The following CALD1 variants were observed in gnomAD, a reference collection of about 807,000 sequenced individuals.
CALD1 encodes caldesmon.
CALD1 carries 33 observed loss-of-function variants against 99.9 expected under a neutral mutation model. That is an observed-to-expected ratio of 0.33 (90% CI 0.25 to 0.44). The LOEUF is 0.44. CALD1 is among the 20% of genes least tolerant of loss of function. CALD1 has a pLI of 1.00. For missense variants in CALD1, 861 were observed against 962.1 expected, an observed-to-expected ratio of 0.89 and a Z score of 1.39; for synonymous variants, 310 against 325.0, an observed-to-expected ratio of 0.95 and a Z score of 0.50.
intron 3 of CALD1, among the ~76,000 whole-genome samples, chr7:134,912,394 T>C (rs1257772634): frequency 6.6e-6 from 1 of 152,184 alleles, no homozygotes; most frequent in Non-Finnish European, 1.5e-5. Flanking sequence ...TGAGAAGGAT[T>C]TCTGCAGAAG....
the CALD1 span, among the ~76,000 whole-genome samples, chr7:134,716,443 T>C: frequency 6.6e-6 from 1 of 152,234 alleles, no homozygotes; most frequent in Non-Finnish European, 1.5e-5. Flanking sequence ...TGCTTTTGTA[T>C]TGTAAGTCCA....
chr7:134,753,409 G>T (rs1315405977), intron 1 of CALD1, among the ~76,000 whole-genome samples: 2 of 152,288 alleles, frequency 1.3e-5, no homozygotes, highest in East Asian at 1.9e-4. Flanking sequence ...CCTCTGCCAG[G>T]TGCCACCAAT....
intron 2 of CALD1, among the ~76,000 whole-genome samples, chr7:134,855,927 T>A (rs1178424048): frequency 6.6e-6 from 1 of 152,232 alleles, no homozygotes; most frequent in African/African-American, 2.4e-5. Context: ...TGATTACAAG[T>A]ATTTTTCCAT....
At chr7:134,957,971 G>A (rs1807903757) in intron 9 of CALD1, 98 bp from the exon 10 acceptor site, 1 of 867,614 alleles carries the variant, frequency 1.2e-6, no homozygotes, top group African/African-American at 1.6e-5. Flanking sequence ...GCTCTTCGGT[G>A]TGTTTAACAG....
intron 1 of CALD1, among the ~76,000 whole-genome samples, chr7:134,825,247 T>G (rs1798943382): frequency 6.6e-6 from 1 of 152,062 alleles, no homozygotes; most frequent in Non-Finnish European, 1.5e-5. Flanking sequence ...GATGGCCAAG[T>G]TTATTAGAAA....
chr7:134,820,195 G>T (rs1445406371), intron 1 of CALD1, among the ~76,000 whole-genome samples: 1 of 152,128 alleles, frequency 6.6e-6, no homozygotes, highest in Non-Finnish European at 1.5e-5. Context: ...TAATGATGAG[G>T]GTGGTCTGTC....
intron 1 of CALD1, among the ~76,000 whole-genome samples, chr7:134,819,520 T>C (rs1445688041): frequency 6.6e-6 from 1 of 152,250 alleles, no homozygotes; most frequent in Non-Finnish European, 1.5e-5. Context: ...GCTTAATATG[T>C]ATGCGTTGTT....
chr7:134,946,697 TACAG>T (rs905733983), intron 7 of CALD1, among the ~76,000 whole-genome samples: 4 of 151,986 alleles, frequency 2.6e-5, no homozygotes, highest in Admixed American at 1.3e-4. Context: ...CTTTTTTTCT[TACAG>T]ACAGAGTCTC....
chr7:134,943,153 A>G (rs1223780027), intron 7 of CALD1, among the ~76,000 whole-genome samples: 1 of 152,162 alleles, frequency 6.6e-6, no homozygotes, highest in East Asian at 1.9e-4. Context: ...TAAAATGAGG[A>G]GAGAGGAAGA....
chr7:134,843,571 T>G (rs1479686061), intron 1 of CALD1, among the ~76,000 whole-genome samples: 9 of 152,226 alleles, frequency 5.9e-5, no homozygotes, highest in Admixed American at 5.9e-4. Context: ...TTCTCAAATT[T>G]TGAAATAAAA....
chr7:134,903,493 C>G (rs112521112), intron 3 of CALD1, among the ~76,000 whole-genome samples: 108 of 152,200 alleles, frequency 7.1e-4, no homozygotes, highest in African/African-American at 2.5e-3. Flanking sequence ...AAATCACAAG[C>G]AGGGTTGGTT....
At chr7:134,936,168 A>C (rs1434332428) in intron 6 of CALD1, among the ~76,000 whole-genome samples, 1 of 152,192 alleles carries the variant, frequency 6.6e-6, no homozygotes, top group Non-Finnish European at 1.5e-5. Flanking sequence ...AAATATTTCC[A>C]ACTGGCCTTG....
chr7:134,879,643 T>C (rs1054519689), intron 3 of CALD1, among the ~76,000 whole-genome samples: 1 of 152,252 alleles, frequency 6.6e-6, no homozygotes, highest in African/African-American at 2.4e-5. Context: ...TTATAAATCA[T>C]TTGTATGTAT....
At chr7:134,802,507 A>C (rs1190665070) in intron 1 of CALD1, among the ~76,000 whole-genome samples, 2 of 152,212 alleles carry the variant, frequency 1.3e-5, no homozygotes, top group Non-Finnish European at 2.9e-5. Flanking sequence ...TTGGGATATT[A>C]TGAATAAAGA....
Position 134,947,767 on chromosome 7 carries a change from G to A in CALD1, c.1792G>A (p.Glu598Lys). ...QEEADRKLRE[E>K]EEKRRLKEEI... ...GGAAGCCGATCGAAAACTCAGAGAG[G>A]AGGTAAGGCGGGCGCTAGCCCACTG... The change falls in exon 8 of 15, where the codon GAG becomes AAG. Residue 598 changes from glutamate (E) to lysine (K), a missense_variant and splice_region_variant. Glu to Lys is a moderately conservative substitution (Grantham distance 56, BLOSUM62 1). Transcript: ENST00000361675. The A allele has an allele frequency of 1.2e-6, 2 of 1,613,332 alleles. No individual in the cohort carries two copies. Among genetic ancestry groups the A allele is most frequent in the Non-Finnish European group, 1.7e-6 (2 of 1,179,602 alleles).
chr7:134,800,264 T>C (rs1797892874), intron 1 of CALD1, among the ~76,000 whole-genome samples: 1 of 152,170 alleles, frequency 6.6e-6, no homozygotes. Flanking sequence ...TTTTTGGGCT[T>C]CTAATTTGCT....
chr7:134,767,195 CTGTGTGTGTGTGTGTG>C (rs34026828), intron 1 of CALD1, among the ~76,000 whole-genome samples: 119 of 149,000 alleles, frequency 8.0e-4, no homozygotes, highest in African/African-American at 2.8e-3. Context: ...CTCTCTGTCT[CTGTGTGTGTGTGTGTG>C]TGTGTGTGTG....
chr7:134,772,353 C>T (rs1354155357), intron 1 of CALD1, among the ~76,000 whole-genome samples: 1 of 152,128 alleles, frequency 6.6e-6, no homozygotes, highest in East Asian at 1.9e-4. Context: ...CCTCAGCCTC[C>T]CAAAATACTG....
chr7:134,823,396 C>T (rs1798859312), intron 1 of CALD1, among the ~76,000 whole-genome samples: 1 of 152,162 alleles, frequency 6.6e-6, no homozygotes, highest in Non-Finnish European at 1.5e-5. Flanking sequence ...GAATTGCCCC[C>T]TTTTTATCCA....
Sources: gnomAD v4.1 joint callset for allele counts (sites outside exome capture counted in the v4.1 genomes callset) on GRCh38, gnomAD v4.1.1 for gene constraint, MANE v1.5 for transcripts, NCBI Gene and HGNC (gene_info 2026-07-23, HGNC 2026-07-21) for gene names.